CCDC187: variants seen among roughly 807,000 people sequenced by gnomAD.
CCDC187 encodes the protein coiled-coil domain containing 187.
CCDC187 carries 32 observed loss-of-function variants against 38.0 expected under a neutral mutation model. That is an observed-to-expected ratio of 0.84 (90% CI 0.64 to 1.13). The LOEUF is 1.13. Ranked by LOEUF, CCDC187 falls within the 50% of genes most tolerant of loss-of-function variation. The pLI, the probability that CCDC187 is intolerant of heterozygous loss-of-function variation, is 0.00. For synonymous variants in CCDC187, 333 were observed against 347.9 expected, an observed-to-expected ratio of 0.96 and a Z score of 0.48; for missense variants, 707 against 786.8, an observed-to-expected ratio of 0.90 and a Z score of 1.21.
At chr9:136,301,289 C>T (rs1831674123) in intron 2 of CCDC187, among the ~76,000 whole-genome samples, 1 of 152,010 alleles carries the variant, frequency 6.6e-6, no homozygotes, top group Non-Finnish European at 1.5e-5. Flanking sequence ...CCTCCCACCG[C>T]TACGAAAACA....
At chr9:136,261,693 C>G (rs1168288822) in intron 19 of CCDC187, among the ~76,000 whole-genome samples, 1 of 152,356 alleles carries the variant, frequency 6.6e-6, no homozygotes, top group South Asian at 2.1e-4. Flanking sequence ...TGCAGAGGCC[C>G]CTCTGGGCTG....
chr9:136,259,165 G>A (rs1246546229), intron 21 of CCDC187, among the ~76,000 whole-genome samples, 164 bp from the exon 22 acceptor site: 1 of 147,120 alleles, frequency 6.8e-6, no homozygotes, highest in Non-Finnish European at 1.5e-5. Flanking sequence ...GACAAACAGG[G>A]ACCCACTGCA....
intron 4 of CCDC187, among the ~76,000 whole-genome samples, chr9:136,297,073 T>C (rs1318335683): frequency 6.6e-6 from 1 of 152,080 alleles, no homozygotes; most frequent in Non-Finnish European, 1.5e-5. Context: ...CGGCCAAGCG[T>C]GCCCTGAGCT....
At position 136,253,888 on chromosome 9, in the gene CCDC187, G is replaced by A. The variant is rs181188724; in HGVS notation, c.5940C>T (p.Ala1980=). The A allele has an allele frequency of 2.5e-3, 2,486 of 982,110 alleles. 3 individuals are homozygous for A. The highest frequency in any genetic ancestry group is 4.1e-3 in the Admixed American group (65 of 15,940). The allele number at this position is 982,110 out of a possible 1,614,324, so 60.8% of individuals were successfully genotyped here. Residue 1980 remains alanine (A), a synonymous_variant, in exon 26 of 26, where the codon GCC becomes GCT. Transcript: ENST00000638797. ...TVLEEACPLL[A]GDVLTEILSP... ...ACAGGATCTCAGTCAAGACGTCACC[G>A]GCAAGTAGGGGACAGGCTTCCTCCA...
rs1024325849 is a variant in CCDC187, at chr9:136,286,114, G to A, written c.2804C>T (p.Pro935Leu). The A allele has an allele frequency of 1.5e-5, 6 of 398,372 alleles. No homozygotes were observed. The highest frequency in any genetic ancestry group is 2.2e-5 in the Non-Finnish European group (5 of 225,976). 24.7% of individuals were successfully genotyped at this position (398,372 alleles called of 1,614,324 possible). A position where few individuals can be genotyped will look rare whatever the true frequency, so the allele number is the denominator to read the frequency against. ...GGGCTTGCTCTCGCAGTGGGCCCTC[G>A]GGCTCACACTCTGCTGTTGCTCCCA... ...PSWEQQQSVS[P>L]RAHCESKPRG... The change falls in exon 8 of 26, where the codon CCG becomes CTG. Residue 935 changes from proline to leucine, a missense_variant. Transcript: ENST00000638797.
chr9:136,250,012 G>A lies in CCDC187; in HGVS notation c.*3582C>T, dbSNP rs1350371299. The stretch of plus-strand genomic sequence containing the variant: ...AAGATTTATTGGCCCAAGCGGTGAC[G>A]ACAGATCAGAGCCCAGGCAAATACA... On this transcript the variant is annotated 3_prime_UTR_variant, in exon 26 of 26. Transcript: ENST00000638797. The A allele has an allele frequency of 6.6e-6, 1 of 152,222 alleles. No homozygotes were observed. 9.4% of individuals were successfully genotyped at this position (152,222 alleles called of 1,614,324 possible).
At chr9:136,293,404 A>ACTC (rs1831415740) in intron 4 of CCDC187, among the ~76,000 whole-genome samples, 7 of 52,984 alleles carry the variant, frequency 1.3e-4, no homozygotes, top group East Asian at 6.3e-4. Flanking sequence ...CACACTCACA[A>ACTC]ACACTCACAT....
chr9:136,279,024 G>A (rs1194078376), intron 10 of CCDC187, among the ~76,000 whole-genome samples: 2 of 152,200 alleles, frequency 1.3e-5, no homozygotes, highest in African/African-American at 2.4e-5. Context: ...AGCTTCCATT[G>A]GACAGTTCTG....
chr9:136,300,257 C>T lies in CCDC187; in HGVS notation c.687G>A (p.Gly229=). ...RVEAKASHGQ[G]RELSRVSQHQ... is the part of the protein sequence containing the mutation. ...GCTGGGAGACCCTGGAGAGCTCGCG[C>T]CCCTGGCCGTGGGATGCCTTGGCTT... Residue 229 remains glycine (G), a synonymous_variant, in exon 3 of 26, where the codon GGG becomes GGA. Coordinates refer to ENST00000638797, the MANE Select transcript of CCDC187 (RefSeq NM_001378188.1). The T allele has an allele frequency of 2.5e-6, 1 of 398,670 alleles. No individual in the cohort carries two copies. The highest frequency in any genetic ancestry group is 4.4e-6 in the Non-Finnish European group (1 of 226,078). The allele number at this position is 398,670 out of a possible 1,614,324, so 24.7% of individuals were successfully genotyped here.
chr9:136,251,038 T>A lies in CCDC187; in HGVS notation c.*2556A>T, dbSNP rs1295276171. The A allele has an allele frequency of 1.3e-5, 6 of 456,102 alleles. No homozygotes were observed. Among genetic ancestry groups the A allele is most frequent in the Non-Finnish European group, 2.6e-5 (6 of 226,904 alleles). 28.3% of individuals were successfully genotyped at this position (456,102 alleles called of 1,614,324 possible). A position where few individuals can be genotyped will look rare whatever the true frequency, so the allele number is the denominator to read the frequency against. The stretch of plus-strand genomic sequence containing the variant: ...AGCTTTGTGATGCCTCCCACCAGAC[T>A]GCATGCATAAAGTCTGGAGTATGCT... On this transcript the variant is annotated 3_prime_UTR_variant, in exon 26 of 26. Coordinates refer to ENST00000638797, the MANE Select transcript of CCDC187 (RefSeq NM_001378188.1).
chr9:136,277,313 C>T (rs1411021470), intron 10 of CCDC187, among the ~76,000 whole-genome samples: 4 of 9,576 alleles, frequency 4.2e-4, no homozygotes, highest in East Asian at 4.9e-3. Flanking sequence ...TGGGTGTGAA[C>T]GGGGTGGGTG....
At chr9:136,268,226 G>A in intron 14 of CCDC187, 101 bp from the exon 15 acceptor site, 1 of 758,810 alleles carries the variant, frequency 1.3e-6, no homozygotes, top group Non-Finnish European at 1.6e-6. Flanking sequence ...GGAGGTCTAG[G>A]GCAGTTTAGT....
At chr9:136,280,281 C>T (rs918593040) in intron 10 of CCDC187, among the ~76,000 whole-genome samples, 34 of 152,344 alleles carry the variant, frequency 2.2e-4, no homozygotes, top group Middle Eastern at 3.4e-3. Flanking sequence ...CTGTAAGGGC[C>T]GGGGCCTGCT....
chr9:136,277,880 G>A (rs1319521526), intron 10 of CCDC187, among the ~76,000 whole-genome samples: 9 of 152,166 alleles, frequency 5.9e-5, no homozygotes, highest in Non-Finnish European at 1.3e-4. Flanking sequence ...TCCCAGAACC[G>A]GCAGCTCCTC....
chr9:136,263,273 C>T (rs1344364638), intron 18 of CCDC187, among the ~76,000 whole-genome samples: 4 of 138,830 alleles, frequency 2.9e-5, no homozygotes, highest in East Asian at 4.4e-4. Context: ...GTCTCCCTGT[C>T]GCCCAGGGTG....
In CCDC187 at chr9:136,250,506, T is replaced by C. The variant is rs1394507592; in HGVS notation, c.*3088A>G. On this transcript the variant is annotated 3_prime_UTR_variant, in exon 26 of 26. Transcript: ENST00000638797. Reference sequence around the variant, plus strand: ...GTGTGTGTGAGATACATAATTCCTCTCACACGGCCTCATAAATCCAAAAGG... The same window carrying C: ...GTGTGTGTGAGATACATAATTCCTCCCACACGGCCTCATAAATCCAAAAGG... 2 of 344,994 alleles carry C rather than the reference T, an allele frequency of 5.8e-6. No individual in the cohort carries two copies. The highest frequency in any genetic ancestry group is 4.1e-5 in the Admixed American group (1 of 24,376). 21.4% of individuals were successfully genotyped at this position (344,994 alleles called of 1,614,324 possible).
intron 18 of CCDC187, among the ~76,000 whole-genome samples, 161 bp downstream of exon 18, chr9:136,263,461 C>T (rs1830704091): frequency 6.6e-6 from 1 of 152,182 alleles, no homozygotes; most frequent in African/African-American, 2.4e-5. Context: ...GTCTCCATCT[C>T]CTGACCTCGT....
chr9:136,258,469 C>T lies in CCDC187; in HGVS notation c.4366+463G>A, dbSNP rs1027279471. ...CTCTTCAGCCGGCGGCTACCAGACG[C>T]ACCACCAGGGTTCCCTGACACTGTG... On this transcript the variant is annotated intron_variant, in intron 22 of 25. Transcript: ENST00000638797. The surrounding 1 kb of genome is among the most constrained non-coding windows in gnomAD (Gnocchi z 4.3). Among the ~76,000 whole-genome samples the T allele has an allele frequency of 6.6e-6, 1 of 152,120 alleles. No individual in the cohort carries two copies. The highest frequency in any genetic ancestry group is 1.5e-5 in the Non-Finnish European group (1 of 68,018).
upstream of CCDC187, among the ~76,000 whole-genome samples, chr9:136,304,646 C>T (rs1831770614): frequency 6.6e-6 from 1 of 152,142 alleles, no homozygotes; most frequent in South Asian, 2.1e-4. Flanking sequence ...CTGAGGGGAA[C>T]TCAGACTCAG....
Sources: allele counts gnomAD v4.1 joint callset (sites outside exome capture counted in the v4.1 genomes callset), GRCh38; gene constraint gnomAD v4.1.1; non-coding constraint Gnocchi (gnomAD v3.1); transcripts MANE v1.5; gene names NCBI Gene and HGNC (gene_info 2026-07-23, HGNC 2026-07-21).